Variants in PKP3 observed in about 807,000 individuals in gnomAD.
PKP3 encodes the protein plakophilin-3.
A neutral mutation model predicts 76.5 loss-of-function variants in PKP3; 66 were observed. The ratio of observed to expected loss-of-function variants is 0.86; its 90% CI spans 0.71 to 1.06. PKP3 has a LOEUF of 1.06. Among genes scored for constraint, PKP3 ranks in the 50% least tolerant of loss-of-function variants. The pLI, the probability that PKP3 is intolerant of heterozygous loss-of-function variation, is 0.00. For synonymous variants in PKP3, 638 were observed against 516.5 expected (o/e 1.24, Z -3.19); for missense variants, 1,338 against 1,141.0 (o/e 1.17, Z -2.49).
In PKP3 at chr11:397,286, G is replaced by A. The variant is rs760222882; in HGVS notation, c.785G>A (p.Gly262Glu). ...QRFQSSHRSR[G>E]VGGAVPGAVL... ...TTCCAGAGCAGCCACCGGAGCCGCG[G>A]GGTAGGCGGGGCAGTGCCGGGGGCC... The change falls in exon 3 of 13, where the codon GGG becomes GAG. Residue 262 changes from glycine (G) to glutamate (E), a missense_variant. By Grantham distance (98) the Gly-to-Glu change is moderately conservative. Coordinates refer to ENST00000331563, the MANE Select transcript of PKP3 (RefSeq NM_007183.4). 1.9e-6 allele frequency: 3 copies of A among 1,594,546 alleles called. No individual in the cohort carries two copies. The highest frequency in any genetic ancestry group is 2.6e-6 in the Non-Finnish European group (3 of 1,173,804).
At position 397,038 on chromosome 11, in the gene PKP3, C is replaced by T. The variant is rs768606418; in HGVS notation, c.537C>T (p.Leu179=). 7.5e-6 allele frequency: 12 copies of T among 1,599,508 alleles called. No homozygotes were observed. In the African/African-American group the frequency reaches 1.1e-4, roughly 14 times the overall value. Residue 179 remains leucine (L), a synonymous_variant, in exon 3 of 13, where the codon CTC becomes CTT. Transcript: ENST00000331563. ...GVGSRADYDT[L]SLRSLRLGPG... Reference sequence around the variant, plus strand: ...GGAGCCGGGCCGACTATGACACACTCTCCCTGCGCTCGCTGCGGCTGGGGC... The same window carrying T: ...GGAGCCGGGCCGACTATGACACACTTTCCCTGCGCTCGCTGCGGCTGGGGC...
upstream of PKP3, chr11:394,202 G>T (rs1847011762): frequency 1.4e-6 from 2 of 1,381,204 alleles, no homozygotes; most frequent in Admixed American, 3.4e-5. Flanking sequence ...GGCTGGGCGG[G>T]GACTTCAGGG....
In PKP3 at chr11:403,763, A is replaced by T; in HGVS notation, c.2069A>T (p.Asp690Val). The T allele has an allele frequency of 8.7e-6, 14 of 1,606,920 alleles. No individual in the cohort carries two copies. The highest frequency in any genetic ancestry group is 1.2e-5 in the Non-Finnish European group (14 of 1,179,826). ...CTGTCTCGGAACGCTAGGAACAAGG[A>T]CGAGATGTGTGAGTCGGGCAGCCCC... is the stretch of plus-strand genomic sequence containing the variant. ...RNLSRNARNK[D>V]EMSTKVVSHL... The change falls in exon 10 of 13, where the codon GAC becomes GTC. Residue 690 changes from aspartate to valine, a missense_variant. By Grantham distance (152) the Asp-to-Val change is radical. Coordinates refer to ENST00000331563, the MANE Select transcript of PKP3 (RefSeq NM_007183.4).
At chr11:394,617 C>A (rs1847022089) in intron 1 of PKP3, 93 bp downstream of exon 1, 1 of 1,081,872 alleles carries the variant, frequency 9.2e-7, no homozygotes, top group African/African-American at 1.7e-5. Flanking sequence ...CGCAGTGAGG[C>A]CGGCTCCTGA....
Position 403,163 on chromosome 11 carries a change from T to C in PKP3, c.1823T>C (p.Val608Ala), listed in dbSNP as rs1473992742. The change falls in exon 9 of 13, where the codon GTG becomes GCG. Residue 608 changes from valine (V) to alanine (A), a missense_variant. Val to Ala is a moderately conservative substitution (Grantham distance 64). Coordinates refer to ENST00000331563, the MANE Select transcript of PKP3 (RefSeq NM_007183.4). ...GLEWLWSPQI[V>A]GLYNRLLQRC... is the part of the protein sequence containing the mutation. ...GAGTGGCTGTGGAGCCCCCAGATCG[T>C]GGGGCTGTACAACCGGCTGCTGCAG... The C allele has an allele frequency of 1.3e-6, 2 of 1,583,874 alleles. No homozygotes were observed. The highest frequency in any genetic ancestry group is 1.7e-6 in the Non-Finnish European group (2 of 1,167,250).
intron 2 of PKP3, 22 bp downstream of exon 2, chr11:396,709 A>C (rs1261397646): frequency 1.9e-6 from 3 of 1,600,836 alleles, no homozygotes; most frequent in Admixed American, 1.7e-5. Flanking sequence ...GCCCAGCCCG[A>C]GGGGGACGAT....
intron 1 of PKP3, among the ~76,000 whole-genome samples, chr11:395,041 C>G (rs528858144): frequency 6.6e-6 from 1 of 152,270 alleles, no homozygotes; most frequent in East Asian, 1.9e-4. Flanking sequence ...GAGGGGAGGG[C>G]CCGGCTGGAG....
chr11:393,871 G>GC (rs530819480), upstream of PKP3, among the ~76,000 whole-genome samples: 266 of 152,164 alleles, frequency 1.7e-3, 1 homozygote, highest in African/African-American at 6.0e-3. Context: ...CAGGACATAG[G>GC]CCCCCCGCAG....
chr11:403,358 G>A lies in PKP3; in HGVS notation c.1923+95G>A, dbSNP rs978302050. The A allele has an allele frequency of 1.3e-5, 14 of 1,100,034 alleles. No individual in the cohort carries two copies. In the South Asian group the frequency reaches 1.4e-4, roughly 11 times the overall value. 68.1% of individuals were successfully genotyped at this position (1,100,034 alleles called of 1,614,324 possible). On this transcript the variant is annotated intron_variant, in intron 9 of 12. Coordinates refer to ENST00000331563, the MANE Select transcript of PKP3 (RefSeq NM_007183.4). ...AGAGGGAGGGGAGGAGGAAGGGGAC[G>A]CCCAGGGTCCGCGGAGCCTCGGAGG... is the stretch of plus-strand genomic sequence containing the variant.
Position 400,457 on chromosome 11 carries a change from G to C in PKP3, c.1566+6G>C, listed in dbSNP as rs763730868. On this transcript the variant is annotated splice_donor_region_variant and intron_variant, in intron 7 of 12. Coordinates refer to ENST00000331563, the MANE Select transcript of PKP3 (RefSeq NM_007183.4). ...CGGGCAAATGCGAGGACAAGGTGAGGGGCGCGGTGTGGAGGAGGGGCCGTG... is the reference window on the plus strand; with the variant it reads ...CGGGCAAATGCGAGGACAAGGTGAGCGGCGCGGTGTGGAGGAGGGGCCGTG... The C allele has an allele frequency of 6.5e-7, 1 of 1,541,024 alleles. No homozygotes were observed. Among genetic ancestry groups the C allele is most frequent in the Non-Finnish European group, 8.7e-7 (1 of 1,142,948 alleles).
chr11:400,412 T>A lies in PKP3; in HGVS notation c.1527T>A (p.Ser509=). The change falls in exon 7 of 13, where the codon TCT becomes TCA. Residue 509 remains serine, a synonymous_variant. Coordinates refer to ENST00000331563, the MANE Select transcript of PKP3 (RefSeq NM_007183.4). ...CHGLVDALVT[S]INHALDAGKC... ...GGCTGGTGGACGCCCTGGTCACCTC[T>A]ATCAACCACGCCCTGGACGCGGGCA... The A allele has an allele frequency of 1.3e-6, 2 of 1,548,590 alleles. No homozygotes were observed. Among genetic ancestry groups the A allele is most frequent in the Non-Finnish European group, 1.7e-6 (2 of 1,146,048 alleles).
At position 403,704 on chromosome 11, in the gene PKP3, C is replaced by A. The variant is rs745939832; in HGVS notation, c.2010C>A (p.His670Gln). The part of the protein sequence containing the change: ...LLDRVRTADH[H>Q]QLRSLTGLIR... The stretch of plus-strand genomic sequence containing the variant: ...ACCGTGTCAGGACCGCCGACCACCA[C>A]CAGCTGCGCTCACTGACTGGCCTCA... Residue 670 changes from histidine (H) to glutamine (Q), a missense_variant, in exon 10 of 13, where the codon CAC (histidine) becomes CAA (glutamine). Physicochemically the swap from His to Gln is conservative, Grantham distance 24 (BLOSUM62 0). Transcript: ENST00000331563. 1 of 1,610,396 alleles carries A rather than the reference C, an allele frequency of 6.2e-7. No homozygotes were observed. Among genetic ancestry groups the A allele is most frequent in the East Asian group, 2.2e-5 (1 of 44,856 alleles).
intron 1 of PKP3, among the ~76,000 whole-genome samples, chr11:395,496 G>A (rs1225064134): frequency 6.6e-6 from 1 of 152,204 alleles, no homozygotes; most frequent in Non-Finnish European, 1.5e-5. Flanking sequence ...TGGGGTGGAG[G>A]ACGGTGAGGG....
intron 1 of PKP3, 154 bp from the exon 2 acceptor site, chr11:396,453 TG>T: frequency 5.4e-6 from 3 of 559,866 alleles, no homozygotes. Context: ...ATGGCAGGAA[TG>T]GGGAGGCACT....
At chr11:399,256 C>T in intron 5 of PKP3, 60 bp downstream of exon 5, 2 of 1,142,462 alleles carry the variant, frequency 1.8e-6, no homozygotes, top group Non-Finnish European at 2.4e-6. Context: ...TGCCTATCCC[C>T]CCTGCCTTCC....
chr11:397,626 G>A lies in PKP3; in HGVS notation c.1032G>A (p.Gln344=). ...NLQVLGAAYI[Q]HKCYSDAAAK... is the part of the protein sequence containing the mutation. The stretch of plus-strand genomic sequence containing the variant: ...AGGTGCTGGGAGCGGCCTACATCCA[G>A]CACAAGTGCTACAGCGATGCAGCCG... Residue 344 remains glutamine, a synonymous_variant, in exon 4 of 13, where the codon CAG becomes CAA. Transcript: ENST00000331563. The A allele has an allele frequency of 1.9e-6, 3 of 1,611,972 alleles. No homozygotes were observed. The highest frequency in any genetic ancestry group is 1.7e-6 in the Non-Finnish European group (2 of 1,179,482).
rs1426588717 is a variant in PKP3 at position 400,691 on chromosome 11, C to T, written c.1723C>T (p.Arg575Trp). Residue 575 changes from arginine to tryptophan, a missense_variant, in exon 8 of 13, where the codon CGG (arginine) becomes TGG (tryptophan). Physicochemically the swap from Arg to Trp is moderately radical, Grantham distance 101. Coordinates refer to ENST00000331563, the MANE Select transcript of PKP3 (RefSeq NM_007183.4). The stretch of plus-strand genomic sequence containing the variant: ...CGTGGGCTGCTTCACGCCGCAGAGC[C>T]GGCGGCTGCGCGAGGTGGGCACCAG... ...EVVGCFTPQS[R>W]RLRELPLAAD... 6 of 1,272,548 alleles carry T rather than the reference C, an allele frequency of 4.7e-6. No individual in the cohort carries two copies. Among genetic ancestry groups the T allele is most frequent in the African/African-American group, 1.6e-5 (1 of 63,550 alleles). The allele number at this position is 1,272,548 out of a possible 1,614,324, so 78.8% of individuals were successfully genotyped here. A position where few individuals can be genotyped will look rare whatever the true frequency, so the allele number is the denominator to read the frequency against.
Position 397,268 on chromosome 11 carries a change from G to A in PKP3, c.767G>A (p.Ser256Asn). 6.3e-7 allele frequency: 1 copy of A among 1,598,382 alleles called. No homozygotes were observed. The highest frequency in any genetic ancestry group is 8.5e-7 in the Non-Finnish European group (1 of 1,176,662). Residue 256 changes from serine to asparagine, a missense_variant, in exon 3 of 13, where the codon AGC becomes AAC. Physicochemically the swap from Ser to Asn is conservative, Grantham distance 46. Transcript: ENST00000331563. ...PAVRTLQRFQ[S>N]SHRSRGVGGA... ...GTGCGGACCCTGCAGCGATTCCAGA[G>A]CAGCCACCGGAGCCGCGGGGTAGGC...
rs779019068 is a variant in PKP3, at chr11:397,070, G to A, written c.569G>A (p.Gly190Asp). 9.4e-6 allele frequency: 15 copies of A among 1,598,672 alleles called. No individual in the cohort carries two copies. The Admixed American group carries it at 1.2e-4, about 12-fold the overall frequency. Reference sequence around the variant, plus strand: ...CGCTCGCTGCGGCTGGGGCCCGGGGGCCTGGACGACCGCTACAGCCTGGTG... The same window carrying A: ...CGCTCGCTGCGGCTGGGGCCCGGGGACCTGGACGACCGCTACAGCCTGGTG... ...SLRSLRLGPG[G>D]LDDRYSLVSE... Residue 190 changes from glycine (G) to aspartate (D), a missense_variant, in exon 3 of 13, where the codon GGC (glycine) becomes GAC (aspartate). Transcript: ENST00000331563.
Sources: allele counts gnomAD v4.1 joint callset (sites outside exome capture counted in the v4.1 genomes callset), GRCh38; gene constraint gnomAD v4.1.1; transcripts MANE v1.5; gene names NCBI Gene and HGNC (gene_info 2026-07-23, HGNC 2026-07-21).